Variants in POLK observed in about 807,000 individuals in gnomAD.
POLK encodes polymerase (DNA directed) kappa.
POLK carries 76 observed loss-of-function variants against 94.0 expected under a neutral mutation model. The ratio of observed to expected loss-of-function variants is 0.81; its 90% CI spans 0.67 to 0.98. The LOEUF is 0.98. POLK is among the 50% of genes least tolerant of loss of function. The pLI, the probability that POLK is intolerant of heterozygous loss-of-function variation, is 0.00. For synonymous variants in POLK, 349 were observed against 325.4 expected, an observed-to-expected ratio of 1.07 and a Z score of -0.78; for missense variants, 954 against 1,010.1, an observed-to-expected ratio of 0.94 and a Z score of 0.75.
At chr5:75,571,726 A>G (rs1362427490) in intron 4 of POLK, among the ~76,000 whole-genome samples, 2 of 152,154 alleles carry the variant, frequency 1.3e-5, no homozygotes, top group Non-Finnish European at 2.9e-5. Flanking sequence ...CTTCCTTCAC[A>G]TTATTTTTAT....
intron 6 of POLK, among the ~76,000 whole-genome samples, chr5:75,579,809 G>A (rs1014443551): frequency 6.6e-6 from 1 of 151,826 alleles, no homozygotes; most frequent in Non-Finnish European, 1.5e-5. Flanking sequence ...CACTTTAGGA[G>A]GCTGAGGTGG....
At position 75,595,298 on chromosome 5, in the gene POLK, G is replaced by A. The variant is rs1025262007; in HGVS notation, c.1529-924G>A. On this transcript the variant is annotated intron_variant, in intron 12 of 14. Coordinates refer to ENST00000241436, the Ensembl canonical transcript of POLK. Reference sequence around the variant, plus strand: ...AGCCCAAGAGCAGATATCTATAGAAGCTTAATTCATAATTGCCAAAACTTT... The same window carrying A: ...AGCCCAAGAGCAGATATCTATAGAAACTTAATTCATAATTGCCAAAACTTT... 4.7e-5 allele frequency among the ~76,000 whole-genome samples: 6 copies of A among 128,566 alleles called. No homozygotes were observed. In the South Asian group the frequency reaches 1.3e-3, roughly 28 times the overall value. 84.3% of individuals were successfully genotyped at this position (128,566 alleles called of 152,430 possible).
chr5:75,564,905 T>C (rs1427283085), intron 3 of POLK, among the ~76,000 whole-genome samples: 1 of 152,224 alleles, frequency 6.6e-6, no homozygotes, highest in Non-Finnish European at 1.5e-5. Flanking sequence ...TCTTTGTATT[T>C]CCTGAATTTG....
intron 3 of POLK, among the ~76,000 whole-genome samples, chr5:75,564,646 T>C (rs376151527): frequency 6.6e-6 from 1 of 152,338 alleles, no homozygotes; most frequent in Admixed American, 6.5e-5. Context: ...CCTTCACTTA[T>C]GAAGCTTAAT....
chr5:75,539,739 A>G (rs1435929809), intron 1 of POLK, among the ~76,000 whole-genome samples: 1 of 152,190 alleles, frequency 6.6e-6, no homozygotes, highest in Non-Finnish European at 1.5e-5. Flanking sequence ...GATTATAGGC[A>G]TAAGCCACCA....
At chr5:75,557,843 G>A (rs192635104) in intron 3 of POLK, among the ~76,000 whole-genome samples, 6 of 152,246 alleles carry the variant, frequency 3.9e-5, no homozygotes, top group Admixed American at 2.0e-4. Flanking sequence ...AGGCTGCTGC[G>A]TAGTGGGATG....
chr5:75,587,967 G>A (rs1463585307), intron 10 of POLK, among the ~76,000 whole-genome samples: 2 of 151,930 alleles, frequency 1.3e-5, no homozygotes. Flanking sequence ...ACAAGATTGT[G>A]TTCATATTTC....
At chr5:75,543,684 AG>A (rs1769867455) in intron 1 of POLK, among the ~76,000 whole-genome samples, 1 of 152,220 alleles carries the variant, frequency 6.6e-6, no homozygotes, top group African/African-American at 2.4e-5. Context: ...ACTGGACAAA[AG>A]TTTCATGGTA....
chr5:75,604,619 C>T (rs913627148), downstream of POLK, among the ~76,000 whole-genome samples: 1 of 152,172 alleles, frequency 6.6e-6, no homozygotes, highest in Admixed American at 6.5e-5. Context: ...TCAAGCATTC[C>T]TCCTTCCTCA....
chr5:75,511,471 C>T (rs956763914), upstream of POLK: 2 of 1,511,734 alleles, frequency 1.3e-6, no homozygotes, highest in Non-Finnish European at 1.8e-6. Context: ...GTGACCCCTG[C>T]GTTGCGCCCG....
the POLK span, chr5:75,609,543 G>A: frequency 6.6e-6 from 1 of 152,108 alleles, no homozygotes; most frequent in Non-Finnish European, 1.5e-5. Context: ...CTTCTTTTGT[G>A]TGGGTATTTT....
intron 3 of POLK, among the ~76,000 whole-genome samples, chr5:75,567,597 C>T (rs544568085): frequency 1.3e-5 from 2 of 152,158 alleles, no homozygotes; most frequent in Non-Finnish European, 1.5e-5. Flanking sequence ...CTCCCCTCCC[C>T]GTCTCTCTTG....
intron 7 of POLK, 109 bp from the exon 8 acceptor site, chr5:75,583,184 T>C: frequency 1.4e-6 from 1 of 698,182 alleles, no homozygotes; most frequent in East Asian, 2.8e-5. Flanking sequence ...TAGCATTATA[T>C]ATCATTTGAG....
At chr5:75,530,324 A>G (rs1342214947) in intron 1 of POLK, among the ~76,000 whole-genome samples, 3 of 129,180 alleles carry the variant, frequency 2.3e-5, no homozygotes, top group African/African-American at 9.0e-5. Context: ...ATCTAGGCTC[A>G]CTGCAACCTC....
At chr5:75,511,103 G>T (rs764711662), upstream of POLK, 12 of 1,549,862 alleles carry the variant, frequency 7.7e-6, no homozygotes, top group Admixed American at 1.9e-5. Context: ...GGCACCAGGG[G>T]TTGCTCACCT....
At chr5:75,511,994 A>G (rs142290874) in intron 1 of POLK, 80 bp downstream of exon 1, 110 of 584,962 alleles carry the variant, frequency 1.9e-4, no homozygotes, top group African/African-American at 1.9e-3. Flanking sequence ...CAGTTGCGTG[A>G]CCAGCCCCTC....
intron 14 of POLK, 68 bp from the exon 15 acceptor site, chr5:75,597,866 A>G (rs1486293134): frequency 1.8e-5 from 21 of 1,137,146 alleles, no homozygotes; most frequent in Non-Finnish European, 2.5e-5. Context: ...TAAGTAATCA[A>G]TATTAAAAAT....
intron 3 of POLK, among the ~76,000 whole-genome samples, chr5:75,563,528 G>A (rs1771102518): frequency 6.6e-6 from 1 of 152,088 alleles, no homozygotes; most frequent in Non-Finnish European, 1.5e-5. Context: ...TCTCCTATGG[G>A]CATTTAGTGC....
chr5:75,530,847 G>T (rs1325665479), intron 1 of POLK, among the ~76,000 whole-genome samples: 5 of 131,694 alleles, frequency 3.8e-5, no homozygotes, highest in African/African-American at 8.6e-5. Flanking sequence ...TCGCTCTGTT[G>T]CCCATGCTGG....
Sources: allele counts gnomAD v4.1 joint callset (sites outside exome capture counted in the v4.1 genomes callset), GRCh38; gene constraint gnomAD v4.1.1; transcripts MANE v1.5; gene names NCBI Gene and HGNC (gene_info 2026-07-23, HGNC 2026-07-21).